MAP4K2: variants seen among roughly 807,000 people sequenced by gnomAD.
MAP4K2 encodes mitogen-activated protein kinase kinase kinase kinase 2, also known as B lymphocyte serine/threonine protein kinase.
MAP4K2 carries 85 observed loss-of-function variants against 125.3 expected under a neutral mutation model. The observed-to-expected ratio is 0.68, with a 90% CI of 0.57 to 0.81. MAP4K2 has a LOEUF of 0.81. Ranked by LOEUF, MAP4K2 falls within the 40% of genes least tolerant of loss-of-function variation. MAP4K2 has a pLI of 0.00. For missense variants in MAP4K2, 923 were observed against 1,056.4 expected, an observed-to-expected ratio of 0.87 and a Z score of 1.75; for synonymous variants, 479 against 445.1, an observed-to-expected ratio of 1.08 and a Z score of -0.96.
intron 24 of MAP4K2, among the ~76,000 whole-genome samples, chr11:64,795,977 G>A (rs751213208): frequency 1.3e-5 from 2 of 152,162 alleles, no homozygotes; most frequent in East Asian, 1.9e-4. Context: ...CCAGCATAGG[G>A]GCCAACATAG....
At position 64,801,135 on chromosome 11, in the gene MAP4K2, C is replaced by T. The variant is rs767567086; in HGVS notation, c.506G>A (p.Arg169Lys). ...CCAGTAGGGAGTCCCAATGAAAGAC[C>T]TCCTCTTGGCCACAGACGCTGTCAG... ...GELTASVAKR[R>K]SFIGTPYWMA... The change falls in exon 8 of 32, where the codon AGG becomes AAG. Residue 169 changes from arginine (R) to lysine (K), a missense_variant. Arg to Lys is a conservative substitution (Grantham distance 26). Around this residue, in one of 2 missense-constraint regions of MAP4K2, gnomAD observed 833 missense variants for 911.4 expected, o/e 0.91. Coordinates refer to ENST00000294066, the MANE Select transcript of MAP4K2 (RefSeq NM_004579.5). 6.2e-7 allele frequency: 1 copy of T among 1,613,566 alleles called. No homozygotes were observed. The highest frequency in any genetic ancestry group is 1.1e-5 in the South Asian group (1 of 91,088).
intron 24 of MAP4K2, 132 bp from the exon 25 acceptor site, chr11:64,792,554 A>G: frequency 1.3e-6 from 1 of 742,188 alleles, no homozygotes; most frequent in African/African-American, 1.8e-5. Context: ...GACACAGAGT[A>G]ACTTGCCCCA....
intron 24 of MAP4K2, among the ~76,000 whole-genome samples, chr11:64,795,357 T>C (rs1003884676): frequency 6.6e-6 from 1 of 151,940 alleles, no homozygotes; most frequent in East Asian, 1.9e-4. Flanking sequence ...GCTAGGATTA[T>C]AGGCCTGAGC....
In MAP4K2 at chr11:64,796,693, C is replaced by T. The variant is rs1940824999; in HGVS notation, c.1513G>A (p.Ala505Thr). The change falls in exon 22 of 32, where the codon GCC becomes ACC. Residue 505 changes from alanine (A) to threonine (T), a missense_variant. Coordinates refer to ENST00000294066, the MANE Select transcript of MAP4K2 (RefSeq NM_004579.5). ...VTRDQFLVVG[A>T]EEGIYTLNLH... ...TTGAGTGTGTAGATGCCTTCCTCGG[C>T]CCCTACCACCAGGAACTGGTCTGCC... is the stretch of plus-strand genomic sequence containing the variant. 6.2e-7 allele frequency: 1 copy of T among 1,614,090 alleles called. No individual in the cohort carries two copies. Among genetic ancestry groups the T allele is most frequent in the South Asian group, 1.1e-5 (1 of 91,086 alleles).
At position 64,788,358 on chromosome 11, in the gene MAP4K2, T is replaced by C. The variant is rs942552164; in HGVS notation, c.*1179A>G. Reference sequence around the variant, plus strand: ...TCAAGGCAGTTCCCATCCTGCCTCCTGGGCTGCAGCTGCCCAAAGGCTCCA... The same window carrying C: ...TCAAGGCAGTTCCCATCCTGCCTCCCGGGCTGCAGCTGCCCAAAGGCTCCA... On this transcript the variant is annotated 3_prime_UTR_variant, in exon 32 of 32. Coordinates refer to ENST00000294066, the MANE Select transcript of MAP4K2 (RefSeq NM_004579.5). 1 of 141,876 alleles carries C rather than the reference T, an allele frequency of 7.0e-6. No homozygotes were observed. Among genetic ancestry groups the C allele is most frequent in the Non-Finnish European group, 1.5e-5 (1 of 65,404 alleles). 8.8% of individuals were successfully genotyped at this position (141,876 alleles called of 1,614,324 possible).
At chr11:64,793,130 T>C (rs942050810) in intron 24 of MAP4K2, among the ~76,000 whole-genome samples, 23 of 151,738 alleles carry the variant, frequency 1.5e-4, no homozygotes, top group African/African-American at 5.3e-4. Context: ...GCAGGAGAAT[T>C]GCTTGAACCC....
intron 16 of MAP4K2, 37 bp downstream of exon 16, chr11:64,797,589 C>T: frequency 1.3e-6 from 2 of 1,577,242 alleles, no homozygotes; most frequent in African/African-American, 1.3e-5. Flanking sequence ...CCAAGGCCAC[C>T]TGCCCCTTGC....
At chr11:64,796,944 A>G (rs1308817517) in intron 20 of MAP4K2, 38 bp downstream of exon 20, 9 of 1,613,854 alleles carry the variant, frequency 5.6e-6, no homozygotes, top group Non-Finnish European at 7.6e-6. Flanking sequence ...GGTGGGTGGC[A>G]GGGCTGTGGG....
intron 15 of MAP4K2, 25 bp downstream of exon 15, chr11:64,798,769 T>G: frequency 6.2e-7 from 1 of 1,612,766 alleles, no homozygotes; most frequent in Non-Finnish European, 8.5e-7. Flanking sequence ...TGCCACCCCC[T>G]GCAGCTTCCC....
chr11:64,792,468 GGCAAGGCCCCT>G, intron 24 of MAP4K2, 46 bp from the exon 25 acceptor site: 1 of 1,520,362 alleles, frequency 6.6e-7, no homozygotes, highest in Non-Finnish European at 9.0e-7. Context: ...GCCATCCATG[GGCAAGGCCCCT>G]GCAGAGCCCT....
chr11:64,797,444 C>A, intron 17 of MAP4K2, 57 bp downstream of exon 17: 2 of 1,557,238 alleles, frequency 1.3e-6, no homozygotes, highest in South Asian at 1.2e-5. Flanking sequence ...CATCCCACTC[C>A]AATCGTACCC....
In MAP4K2 at chr11:64,798,799, C is replaced by G. The variant is rs1259907972; in HGVS notation, c.1092G>C (p.Leu364Phe). 3 of 1,611,442 alleles carry G rather than the reference C, an allele frequency of 1.9e-6. No individual in the cohort carries two copies. The highest frequency in any genetic ancestry group is 2.5e-6 in the Non-Finnish European group (3 of 1,178,796). The change falls in exon 15 of 32, where the codon TTG becomes TTC. Residue 364 changes from leucine (L) to phenylalanine (F), a missense_variant. This residue lies in a region of MAP4K2 where 833 missense variants were observed against 911.4 expected (regional missense o/e 0.91). Transcript: ENST00000294066. ...EEWTLLGKEE[L>F]SGSLLQSVQE... ...CTTCCCCATACCTCACTTACCCACT[C>G]AACTCTTCCTTTCCCAGTAGTGTCC... is the stretch of plus-strand genomic sequence containing the variant.
chr11:64,799,332 A>G, intron 14 of MAP4K2, 89 bp downstream of exon 14: 1 of 1,515,840 alleles, frequency 6.6e-7, no homozygotes, highest in Admixed American at 2.0e-5. Context: ...CCAGCTTCAA[A>G]TCTCCCTTGA....
At chr11:64,801,440 T>C (rs1303035364) in intron 7 of MAP4K2, 139 bp downstream of exon 7, 2 of 1,018,670 alleles carry the variant, frequency 2.0e-6, no homozygotes, top group Non-Finnish European at 2.9e-6. Context: ...AGGGAGGGAG[T>C]ACCGTTCCAT....
At chr11:64,795,912 C>T (rs899501302) in intron 24 of MAP4K2, among the ~76,000 whole-genome samples, 8 of 151,882 alleles carry the variant, frequency 5.3e-5, no homozygotes, top group African/African-American at 1.9e-4. Context: ...AGGACTTGCC[C>T]ATCTCCCCCA....
chr11:64,796,834 G>C lies in MAP4K2; in HGVS notation c.1467C>G (p.Val489=). 6.2e-7 allele frequency: 1 copy of C among 1,613,786 alleles called. No homozygotes were observed. Among genetic ancestry groups the C allele is most frequent in the Non-Finnish European group, 8.5e-7 (1 of 1,180,040 alleles). The change falls in exon 21 of 32, where the codon GTC becomes GTG. Residue 489 remains valine, a synonymous_variant. Coordinates refer to ENST00000294066, the MANE Select transcript of MAP4K2 (RefSeq NM_004579.5). ...CCCGAGTAACAGGGTGAATCCAGGT[G>C]ACAGCAGCGTGGATCCGCAGGGGGC... ...NGCPLRIHAA[V]TWIHPVTRDQ...
In MAP4K2 at chr11:64,803,161, G is replaced by GGGCGGGCCGGCA; in HGVS notation, c.-24_-13dup. 8.0e-7 allele frequency: 1 copy of GGGCGGGCCGGCA among 1,249,088 alleles called. No individual in the cohort carries two copies. The highest frequency in any genetic ancestry group is 1.0e-6 in the Non-Finnish European group (1 of 991,830). The allele number at this position is 1,249,088 out of a possible 1,614,324, so 77.4% of individuals were successfully genotyped here. The stretch of plus-strand genomic sequence containing the variant: ...CGCAGCAGCGCCATGGCCCGGCGCC[G>GGGCGGGCCGGCA]GGCGGGCCGGCAGGCGGGCGGGCGC... On this transcript the variant is annotated 5_prime_UTR_variant, in exon 1 of 32. Transcript: ENST00000294066.
At position 64,799,137 on chromosome 11, in the gene MAP4K2, G is replaced by A. The variant is rs190741857; in HGVS notation, c.1053+284C>T. Among the ~76,000 whole-genome samples, 31 of 152,332 alleles carry A rather than the reference G, an allele frequency of 2.0e-4. No individual in the cohort carries two copies. In the South Asian group the frequency reaches 5.2e-3, roughly 25 times the overall value. ...TGGGGACACACAGGTGGGAAAACGA[G>A]GCTGAGCAGGGTAGGGTGAGGGCTC... On this transcript the variant is annotated intron_variant, in intron 14 of 31. Transcript: ENST00000294066.
Position 64,785,047 on chromosome 11 carries a change from TA to T in MAP4K2, c.*4489del, listed in dbSNP as rs1328434771. ...AATACTACTTGGCAATAAAAAGGAATAAAATATTAATGCATGCAACAGGGAT... is the reference window on the plus strand; with the variant it reads ...AATACTACTTGGCAATAAAAAGGAATAAATATTAATGCATGCAACAGGGAT... On this transcript the variant is annotated 3_prime_UTR_variant, in exon 32 of 32. Coordinates refer to ENST00000294066, the MANE Select transcript of MAP4K2 (RefSeq NM_004579.5). 1 of 152,178 alleles carries T rather than the reference TA, an allele frequency of 6.6e-6. No homozygotes were observed. The highest frequency in any genetic ancestry group is 2.4e-5 in the African/African-American group (1 of 41,444). The allele number at this position is 152,178 out of a possible 1,614,324, so 9.4% of individuals were successfully genotyped here.
Sources: gnomAD v4.1 joint callset for allele counts (sites outside exome capture counted in the v4.1 genomes callset) on GRCh38, gnomAD v4.1.1 for gene constraint, gnomAD v4.1.1 regional missense constraint, MANE v1.5 for transcripts, NCBI Gene and HGNC (gene_info 2026-07-23, HGNC 2026-07-21) for gene names.